Variants in PTPRT observed in about 807,000 individuals in gnomAD.
PTPRT encodes protein tyrosine phosphatase receptor type T.
A neutral mutation model predicts 176.8 loss-of-function variants in PTPRT; 56 were observed. The observed-to-expected ratio is 0.32, with a 90% CI of 0.26 to 0.40. The LOEUF (loss-of-function observed/expected upper bound fraction) is 0.40. Ranked by LOEUF, PTPRT falls within the 10% of genes least tolerant of loss-of-function variation. PTPRT has a pLI of 1.00. For synonymous variants in PTPRT, 783 were observed against 739.0 expected (o/e 1.06, Z -0.96); for missense variants, 1,540 against 1,908.2 (o/e 0.81, Z 3.60).
chr20:42,261,458 T>C (rs372060033), intron 13 of PTPRT, among the ~76,000 whole-genome samples: 1 of 149,428 alleles, frequency 6.7e-6, no homozygotes, highest in East Asian at 1.9e-4. Context: ...ACATATCCTT[T>C]TGGGGAACAC....
chr20:42,624,329 A>AT (rs2074254550), intron 7 of PTPRT, among the ~76,000 whole-genome samples: 1 of 152,228 alleles, frequency 6.6e-6, no homozygotes, highest in South Asian at 2.1e-4. Context: ...AGTAATCTCC[A>AT]TTTTAAGAGG....
chr20:42,032,502 G>A, the PTPRT span, among the ~76,000 whole-genome samples: 325 of 152,284 alleles, frequency 2.1e-3, 3 homozygotes, highest in African/African-American at 7.5e-3. Flanking sequence ...AAAGGGGAAA[G>A]GCCACTCATT....
chr20:42,082,005 G>A lies in PTPRT; in HGVS notation c.4149C>T (p.Gly1383=), dbSNP rs542069483. The part of the protein sequence containing the change: ...RTVVHCLNGG[G]RSGTFCAICS... Reference sequence around the variant, plus strand: ...AGATGGCACAGAAGGTTCCACTACGGCCTCCCCCATTTCTAAACACAGAGC... The same window carrying A: ...AGATGGCACAGAAGGTTCCACTACGACCTCCCCCATTTCTAAACACAGAGC... Residue 1383 remains glycine, a synonymous_variant, in exon 30 of 31, where the codon GGC becomes GGT. Transcript: ENST00000373187. 16 of 1,614,146 alleles carry A rather than the reference G, an allele frequency of 9.9e-6. No homozygotes were observed. In the African/African-American group the frequency reaches 1.7e-4, roughly 17 times the overall value.
chr20:42,327,985 A>G (rs535295967), intron 11 of PTPRT, among the ~76,000 whole-genome samples: 1 of 152,262 alleles, frequency 6.6e-6, no homozygotes, highest in South Asian at 2.1e-4. Flanking sequence ...GAATAAAGGT[A>G]TAGTCTATAT....
chr20:42,511,043 A>T (rs757035376), intron 7 of PTPRT, among the ~76,000 whole-genome samples: 1 of 152,040 alleles, frequency 6.6e-6, no homozygotes, highest in Non-Finnish European at 1.5e-5. Flanking sequence ...GGAACTGATG[A>T]CTTTGTAAAA....
chr20:43,015,979 C>T (rs78572168), intron 1 of PTPRT, among the ~76,000 whole-genome samples: 8,376 of 151,560 alleles, frequency 0.055, 295 homozygotes, highest in Non-Finnish European at 0.08. Context: ...GTCCACATTG[C>T]GACATGTCCC....
intron 9 of PTPRT, among the ~76,000 whole-genome samples, chr20:42,408,177 A>G (rs2058979226): frequency 6.6e-6 from 1 of 152,168 alleles, no homozygotes; most frequent in African/African-American, 2.4e-5. Context: ...ATGGAAGAGT[A>G]TATGTCTAAG....
At chr20:42,107,182 C>T (rs543470409) in intron 23 of PTPRT, among the ~76,000 whole-genome samples, 7 of 152,268 alleles carry the variant, frequency 4.6e-5, no homozygotes, top group East Asian at 1.9e-4. Context: ...GCTGGAGCTG[C>T]CTCATAGATA....
At chr20:42,901,035 G>A (rs147375308) in intron 1 of PTPRT, among the ~76,000 whole-genome samples, 1 of 152,154 alleles carries the variant, frequency 6.6e-6, no homozygotes, top group Admixed American at 6.5e-5. Flanking sequence ...ATGCTGCAAA[G>A]GAAATGCTAA....
intron 17 of PTPRT, among the ~76,000 whole-genome samples, chr20:42,148,581 G>C (rs2146446952): frequency 6.6e-6 from 1 of 152,208 alleles, no homozygotes; most frequent in African/African-American, 2.4e-5. Flanking sequence ...GGAGAACTCT[G>C]AAAAGGGGAG....
At chr20:42,210,647 G>T (rs2055599811) in intron 15 of PTPRT, among the ~76,000 whole-genome samples, 2 of 149,868 alleles carry the variant, frequency 1.3e-5, no homozygotes, top group South Asian at 4.2e-4. Flanking sequence ...AATAAAAGAG[G>T]ATACAAACAA....
rs1388948644 is a variant in PTPRT at position 43,189,838 on chromosome 20, C to T, written c.-105G>A. 9 of 495,046 alleles carry T rather than the reference C, an allele frequency of 1.8e-5. No individual in the cohort carries two copies. The highest frequency in any genetic ancestry group is 6.3e-5 in the African/African-American group (3 of 47,300). The allele number at this position is 495,046 out of a possible 1,614,324, so 30.7% of individuals were successfully genotyped here. On this transcript the variant is annotated 5_prime_UTR_variant, in exon 1 of 31. Coordinates refer to ENST00000373187, the MANE Select transcript of PTPRT (RefSeq NM_007050.6). This position sits in a 1 kb window ranked among gnomAD's most constrained non-coding sequence, Gnocchi z 5.0. ...CGCCGGCGCGGCCGCTGGCTGTGCG[C>T]GCGGCTGGCTCCGCTCGGGCTCCCG... is the stretch of plus-strand genomic sequence containing the variant.
intron 14 of PTPRT, among the ~76,000 whole-genome samples, chr20:42,243,993 G>A (rs1273148345): frequency 6.6e-6 from 1 of 152,210 alleles, no homozygotes; most frequent in Non-Finnish European, 1.5e-5. Context: ...TGGTACAGTT[G>A]ATGGTCATGT....
chr20:42,508,754 C>CTTTA (rs1443401260), intron 7 of PTPRT, among the ~76,000 whole-genome samples: 1 of 151,572 alleles, frequency 6.6e-6, no homozygotes, highest in South Asian at 2.1e-4. Flanking sequence ...ATACTCTAAA[C>CTTTA]AGGTGAGCTA....
chr20:43,129,166 G>T (rs1197358452), intron 1 of PTPRT, among the ~76,000 whole-genome samples: 1 of 152,150 alleles, frequency 6.6e-6, no homozygotes, highest in African/African-American at 2.4e-5. Context: ...TCTGCCCAAG[G>T]GGGTGTAGGG....
At chr20:42,222,357 A>G (rs1390165460) in intron 15 of PTPRT, among the ~76,000 whole-genome samples, 2 of 152,094 alleles carry the variant, frequency 1.3e-5, no homozygotes, top group Non-Finnish European at 2.9e-5. Flanking sequence ...GGATTTGTCC[A>G]CTCTGCCTGG....
chr20:42,996,132 G>A (rs1253039913), intron 1 of PTPRT, among the ~76,000 whole-genome samples: 1 of 152,242 alleles, frequency 6.6e-6, no homozygotes, highest in East Asian at 1.9e-4. Context: ...CCAGGTGAAA[G>A]AAGAGAGTTC....
In PTPRT at chr20:42,077,228, C is replaced by T. The variant is rs1018384757; in HGVS notation, c.*3651G>A. 2.1e-5 allele frequency: 4 copies of T among 186,246 alleles called. No individual in the cohort carries two copies. The highest frequency in any genetic ancestry group is 3.4e-5 in the Non-Finnish European group (3 of 88,222). 11.5% of individuals were successfully genotyped at this position (186,246 alleles called of 1,614,324 possible). ...AGCAAACTGTCCCCTTCCATTCCCACAAAGAGAGGCCTACTGTGGCCTTCT... is the reference window on the plus strand; with the variant it reads ...AGCAAACTGTCCCCTTCCATTCCCATAAAGAGAGGCCTACTGTGGCCTTCT... On this transcript the variant is annotated 3_prime_UTR_variant, in exon 31 of 31. Coordinates refer to ENST00000373187, the MANE Select transcript of PTPRT (RefSeq NM_007050.6).
At chr20:42,111,475 G>A (rs1346311126) in intron 22 of PTPRT, among the ~76,000 whole-genome samples, 1 of 152,188 alleles carries the variant, frequency 6.6e-6, no homozygotes, top group East Asian at 1.9e-4. Context: ...TATTGAAGTG[G>A]ATAAAGGAGT....
Sources: allele counts gnomAD v4.1 joint callset (sites outside exome capture counted in the v4.1 genomes callset), GRCh38; gene constraint gnomAD v4.1.1; non-coding constraint Gnocchi (gnomAD v3.1); transcripts MANE v1.5; gene names NCBI Gene and HGNC (gene_info 2026-07-23, HGNC 2026-07-21).